The following ZNF14 variants were observed in gnomAD, a reference collection of about 807,000 sequenced individuals.
The protein encoded by ZNF14 is gonadotropin inducible transcription repressor-4.
ZNF14 carries 9 observed loss-of-function variants against 11.3 expected under a neutral mutation model. The observed-to-expected ratio is 0.80, with a 90% confidence interval of 0.48 to 1.39. The LOEUF (loss-of-function observed/expected upper bound fraction) is 1.39. Among genes scored for constraint, ZNF14 ranks in the 40% most tolerant of loss-of-function variants. ZNF14 has a pLI of 0.00. For missense variants in ZNF14, 711 were observed against 763.9 expected (o/e 0.93, Z 0.82); for synonymous variants, 239 against 245.7 (o/e 0.97, Z 0.25).
Position 19,732,972 on chromosome 19 carries a change from G to GGAAGTCACGGTGTCCTCCCTAC in ZNF14, c.-36_-15dup. 6.2e-7 allele frequency: 1 copy of GGAAGTCACGGTGTCCTCCCTAC among 1,613,512 alleles called. No individual in the cohort carries two copies. Among genetic ancestry groups the GGAAGTCACGGTGTCCTCCCTAC allele is most frequent in the South Asian group, 1.1e-5 (1 of 90,966 alleles). On this transcript the variant is annotated 5_prime_UTR_variant, in exon 1 of 4. Transcript: ENST00000344099. Reference sequence around the variant, plus strand: ...CACACTCACCATTTCCCAGCGTCCGGGAAGTCACGGTGTCCTCCCTACGGA... The same window carrying GGAAGTCACGGTGTCCTCCCTAC: ...CACACTCACCATTTCCCAGCGTCCGGGAAGTCACGGTGTCCTCCCTACGAAGTCACGGTGTCCTCCCTACGGA...
chr19:19,712,574 T>C lies in ZNF14; in HGVS notation c.707A>G (p.Gln236Arg). 2 of 1,612,824 alleles carry C rather than the reference T, an allele frequency of 1.2e-6. No individual in the cohort carries two copies. Among genetic ancestry groups the C allele is most frequent in the Non-Finnish European group, 1.7e-6 (2 of 1,179,702 alleles). Residue 236 changes from glutamine (Q) to arginine (R), a missense_variant, in exon 4 of 4, where the codon CAA becomes CGA. Physicochemically the swap from Gln to Arg is conservative, Grantham distance 43. Coordinates refer to ENST00000344099, the MANE Select transcript of ZNF14 (RefSeq NM_021030.3). ...KQCGKAFICYQSFQRHKRTHT... is the reference protein window; with the variant it reads ...KQCGKAFICYRSFQRHKRTHT... ...AGTCCTTTTGTGTCTTTGAAAAGATTGGTAACATATAAAGGCTTTCCCACA... is the reference window on the plus strand; with the variant it reads ...AGTCCTTTTGTGTCTTTGAAAAGATCGGTAACATATAAAGGCTTTCCCACA...
chr19:19,730,279 G>A (rs966916489), intron 1 of ZNF14, among the ~76,000 whole-genome samples: 11 of 151,836 alleles, frequency 7.2e-5, no homozygotes, highest in African/African-American at 2.2e-4. Context: ...CGCCCGCCTC[G>A]GCCTCCCAAA....
chr19:19,711,818 C>G lies in ZNF14; in HGVS notation c.1463G>C (p.Ser488Thr). ...TGTTCTTTCATGCAGTCGAAAGGAA[C>G]TGGAACGAATGAAAACTTTTCCACA... is the stretch of plus-strand genomic sequence containing the variant. Reference protein sequence around the residue: ...KQCGKVFIRSSSFRLHERTHT... With the variant: ...KQCGKVFIRSTSFRLHERTHT... The change falls in exon 4 of 4, where the codon AGT (serine) becomes ACT (threonine). Residue 488 changes from serine to threonine, a missense_variant. Coordinates refer to ENST00000344099, the MANE Select transcript of ZNF14 (RefSeq NM_021030.3). 1 of 1,613,292 alleles carries G rather than the reference C, an allele frequency of 6.2e-7. No individual in the cohort carries two copies. The highest frequency in any genetic ancestry group is 8.5e-7 in the Non-Finnish European group (1 of 1,179,492).
intron 1 of ZNF14, among the ~76,000 whole-genome samples, chr19:19,727,960 T>C (rs2062410982): frequency 7.6e-6 from 1 of 131,916 alleles, no homozygotes; most frequent in Non-Finnish European, 1.7e-5. Flanking sequence ...CTACTAAAAA[T>C]ACAAAAATTA....
At chr19:19,729,263 A>C (rs1213699186) in intron 1 of ZNF14, among the ~76,000 whole-genome samples, 2 of 150,042 alleles carry the variant, frequency 1.3e-5, no homozygotes, top group Non-Finnish European at 3.0e-5. Context: ...GGTGTGAGCC[A>C]TTGTGCCTGG....
intron 1 of ZNF14, among the ~76,000 whole-genome samples, chr19:19,716,289 T>A (rs1286386676): frequency 1.0e-5 from 1 of 98,264 alleles, no homozygotes; most frequent in East Asian, 3.3e-4. Flanking sequence ...TTATTTTATT[T>A]ATTTTATTTC....
intron 1 of ZNF14, among the ~76,000 whole-genome samples, chr19:19,729,141 T>C (rs1366693783): frequency 2.0e-5 from 3 of 151,718 alleles, no homozygotes; most frequent in Non-Finnish European, 2.9e-5. Context: ...CACACCCAGC[T>C]AATTTTTGTA....
intron 1 of ZNF14, among the ~76,000 whole-genome samples, chr19:19,729,319 CT>C (rs10717958): frequency 0.78 from 107,319 of 137,772 alleles, 41,525 homozygotes; most frequent in South Asian, 0.83. Flanking sequence ...ACACACACAA[CT>C]TTTTTTTTTT....
In ZNF14 at chr19:19,712,903, A is replaced by G; in HGVS notation, c.378T>C (p.Thr126=). Residue 126 remains threonine, a synonymous_variant, in exon 4 of 4, where the codon ACT becomes ACC. Coordinates refer to ENST00000344099, the MANE Select transcript of ZNF14 (RefSeq NM_021030.3). ...SSLNRHMRSH[T]GQKPNEYQEY... Reference sequence around the variant, plus strand: ...CCTGATACTCATTTGGTTTCTGTCCAGTGTGAGATCTCATGTGCCTATTAA... The same window carrying G: ...CCTGATACTCATTTGGTTTCTGTCCGGTGTGAGATCTCATGTGCCTATTAA... 1 of 1,614,100 alleles carries G rather than the reference A, an allele frequency of 6.2e-7. No homozygotes were observed. Among genetic ancestry groups the G allele is most frequent in the African/African-American group, 1.3e-5 (1 of 75,066 alleles).
chr19:19,714,929 C>T (rs1260218600), intron 1 of ZNF14, among the ~76,000 whole-genome samples: 2 of 151,938 alleles, frequency 1.3e-5, no homozygotes, highest in South Asian at 2.1e-4. Context: ...AGGCTGGTCT[C>T]GAACTCCTGA....
Position 19,711,373 on chromosome 19 carries a change from A to C in ZNF14, c.1908T>G (p.Thr636=). The C allele has an allele frequency of 6.4e-7, 1 of 1,565,136 alleles. No homozygotes were observed. The highest frequency in any genetic ancestry group is 8.6e-7 in the Non-Finnish European group (1 of 1,160,084). ...ATTCTTAGACTTTCTCTCCCATATG[A>C]GTCCTTTCATGCAGTCGAAAGTGAC... ...SSSHFRLHER[T]HMGEKV The change falls in exon 4 of 4, where the codon ACT becomes ACG. Residue 636 remains threonine (T), a synonymous_variant. Coordinates refer to ENST00000344099, the MANE Select transcript of ZNF14 (RefSeq NM_021030.3).
At chr19:19,716,159 G>A (rs2062377292) in intron 1 of ZNF14, among the ~76,000 whole-genome samples, 1 of 152,168 alleles carries the variant, frequency 6.6e-6, no homozygotes, top group Non-Finnish European at 1.5e-5. Flanking sequence ...GGGAGTTCAA[G>A]CATACAAGCA....
At chr19:19,729,518 C>T (rs1160023199) in intron 1 of ZNF14, among the ~76,000 whole-genome samples, 3 of 149,646 alleles carry the variant, frequency 2.0e-5, no homozygotes, top group Admixed American at 6.6e-5. Flanking sequence ...AGTTTCACCA[C>T]GTTGGCCAGG....
In ZNF14 at chr19:19,711,787, A is replaced by G; in HGVS notation, c.1494T>C (p.Thr498=). The change falls in exon 4 of 4, where the codon ACT becomes ACC. Residue 498 remains threonine (T), a synonymous_variant. Transcript: ENST00000344099. ...SSFRLHERTH[T]GEKPYECKLC... ...GTTTACATTCATAGGGTTTCTCTCCAGTGTGTGTTCTTTCATGCAGTCGAA... is the reference window on the plus strand; with the variant it reads ...GTTTACATTCATAGGGTTTCTCTCCGGTGTGTGTTCTTTCATGCAGTCGAA... 1 of 1,613,550 alleles carries G rather than the reference A, an allele frequency of 6.2e-7. No homozygotes were observed. The highest frequency in any genetic ancestry group is 8.5e-7 in the Non-Finnish European group (1 of 1,179,556).
rs553824057 is a variant in ZNF14 at position 19,730,316 on chromosome 19, C to T, written c.3+2640G>A. On this transcript the variant is annotated intron_variant, in intron 1 of 3. Coordinates refer to ENST00000344099, the MANE Select transcript of ZNF14 (RefSeq NM_021030.3). ...TGCTGGGATTACAGGCGTGACCCACCGTGCCCAGCCCGCAGTTTTATTTAA... is the reference window on the plus strand; with the variant it reads ...TGCTGGGATTACAGGCGTGACCCACTGTGCCCAGCCCGCAGTTTTATTTAA... 4.0e-4 allele frequency among the ~76,000 whole-genome samples: 61 copies of T among 152,132 alleles called. 1 individual carries two copies. The highest frequency in any genetic ancestry group is 1.3e-3 in the African/African-American group (55 of 41,500).
intron 1 of ZNF14, among the ~76,000 whole-genome samples, chr19:19,722,581 TTAAAG>T (rs1390432820): frequency 1.3e-5 from 2 of 152,216 alleles, no homozygotes; most frequent in Non-Finnish European, 2.9e-5. Context: ...CATATGAACT[TTAAAG>T]TAGTTTTTTC....
chr19:19,719,748 T>C (rs981311598), intron 1 of ZNF14, among the ~76,000 whole-genome samples: 11 of 152,048 alleles, frequency 7.2e-5, no homozygotes, highest in African/African-American at 2.7e-4. Flanking sequence ...TACAACTAAA[T>C]CAATAACATG....
chr19:19,728,992 G>C (rs10420120), intron 1 of ZNF14, among the ~76,000 whole-genome samples: 126,764 of 152,148 alleles, frequency 0.83, 53,280 homozygotes, highest in African/African-American at 0.94. Flanking sequence ...TTTTCCCCCC[G>C]ACAAGACGGA....
Position 19,720,952 on chromosome 19 carries a change from CTTTA to C in ZNF14, c.4-6469_4-6466del, listed in dbSNP as rs900616472. On this transcript the variant is annotated intron_variant, in intron 1 of 3. Coordinates refer to ENST00000344099, the MANE Select transcript of ZNF14 (RefSeq NM_021030.3). This position sits in a 1 kb window ranked among gnomAD's most constrained non-coding sequence, Gnocchi z 4.1. ...TCATAAGAACAACCTCCTACTCTTA[CTTTA>C]TTTATTTATTGATTTTTTTGAGACA... Among the ~76,000 whole-genome samples the C allele has an allele frequency of 5.0e-5, 7 of 140,766 alleles. No individual in the cohort carries two copies. The highest frequency in any genetic ancestry group is 7.5e-5 in the African/African-American group (3 of 39,922). The allele number at this position is 140,766 out of a possible 152,430, so 92.3% of individuals were successfully genotyped here. A position where few individuals can be genotyped will look rare whatever the true frequency, so the allele number is the denominator to read the frequency against.
Sources: allele counts gnomAD v4.1 joint callset (sites outside exome capture counted in the v4.1 genomes callset), GRCh38; gene constraint gnomAD v4.1.1; non-coding constraint Gnocchi (gnomAD v3.1); transcripts MANE v1.5; gene names NCBI Gene and HGNC (gene_info 2026-07-23, HGNC 2026-07-21).